The following ANKRD11 variants were observed in gnomAD, a reference collection of about 807,000 sequenced individuals.
The protein encoded by ANKRD11 is ankyrin repeat domain 11, also known as ankyrin repeat domain-containing protein 11.
A neutral mutation model predicts 195.7 loss-of-function variants in ANKRD11; 17 were observed. The observed-to-expected ratio is 0.09, with a 90% CI of 0.06 to 0.13. The LOEUF (loss-of-function observed/expected upper bound fraction) is 0.13. ANKRD11 is among the 10% of genes least tolerant of loss of function. The pLI is 1.00. For missense variants in ANKRD11, 3,735 were observed against 3,566.1 expected, an observed-to-expected ratio of 1.05 and a Z score of -1.21; for synonymous variants, 1,953 against 1,528.1, an observed-to-expected ratio of 1.28 and a Z score of -6.49.
chr16:89,359,751 C>T (rs1381094911), intron 2 of ANKRD11, among the ~76,000 whole-genome samples: 1 of 152,146 alleles, frequency 6.6e-6, no homozygotes, highest in East Asian at 1.9e-4. Context: ...CAACAGCCAG[C>T]AGAAGATGTT....
chr16:89,408,024 C>G (rs1431273362), intron 2 of ANKRD11, among the ~76,000 whole-genome samples: 3 of 152,256 alleles, frequency 2.0e-5, no homozygotes, highest in East Asian at 1.9e-4. Context: ...CCAGCTACAG[C>G]TGCCATGCAG....
In ANKRD11 at chr16:89,347,484, G is replaced by A. The variant is rs142376008; in HGVS notation, c.-59-30406C>T. On this transcript the variant is annotated intron_variant, in intron 2 of 12. Transcript: ENST00000301030. ...AAATTAGCCGGGCGTGGTGGCAGGC[G>A]CCGGTAGTCCCAGCTACTAGGGAGG... 3.1e-3 allele frequency among the ~76,000 whole-genome samples: 475 copies of A among 152,086 alleles called. 21 individuals are homozygous for A. In the East Asian group the frequency reaches 0.047, roughly 15 times the overall value.
Position 89,281,567 on chromosome 16 carries a change from G to A in ANKRD11, c.4975C>T (p.Pro1659Ser), listed in dbSNP as rs376431701. The A allele has an allele frequency of 2.5e-6, 4 of 1,614,082 alleles. No individual in the cohort carries two copies. The highest frequency in any genetic ancestry group is 1.1e-5 in the South Asian group (1 of 91,088). The change falls in exon 9 of 13, where the codon CCT becomes TCT. Residue 1659 changes from proline to serine, a missense_variant. Pro to Ser is a moderately conservative substitution (Grantham distance 74). Coordinates refer to ENST00000301030, the MANE Select transcript of ANKRD11 (RefSeq NM_013275.6). This position sits in a 1 kb window ranked among gnomAD's most constrained non-coding sequence, Gnocchi z 5.5. ...TTATTTTCCGCGGCAGGTGGAATAGGAGTCGACTCTTTGAGCTTTTTGTCT... is the reference window on the plus strand; with the variant it reads ...TTATTTTCCGCGGCAGGTGGAATAGAAGTCGACTCTTTGAGCTTTTTGTCT... ...FKDKKLKESTPIPPAAENKLH... is the reference protein window; with the variant it reads ...FKDKKLKESTSIPPAAENKLH...
At chr16:89,315,242 G>A (rs2036879172) in intron 3 of ANKRD11, among the ~76,000 whole-genome samples, 1 of 152,196 alleles carries the variant, frequency 6.6e-6, no homozygotes, top group Non-Finnish European at 1.5e-5. Context: ...TGTATGCAAA[G>A]TATTCTGCAC....
chr16:89,307,350 A>C (rs1436268718), intron 3 of ANKRD11, among the ~76,000 whole-genome samples: 1 of 152,074 alleles, frequency 6.6e-6, no homozygotes, highest in Non-Finnish European at 1.5e-5. Flanking sequence ...ACGTGCATCC[A>C]CCCAACCTGC....
chr16:89,288,814 A>G lies in ANKRD11; in HGVS notation c.602-144T>C, dbSNP rs76417280. On this transcript the variant is annotated intron_variant, in intron 6 of 12. Coordinates refer to ENST00000301030, the MANE Select transcript of ANKRD11 (RefSeq NM_013275.6). ...TGTAGTGAGGGCTGCAGTTTAGGGA[A>G]GCAGGTGCTGGCCCAGAGAACCCCT... 9.9e-4 allele frequency: 1,136 copies of G among 1,144,026 alleles called. 7 individuals are homozygous for G. The African/African-American group carries it at 0.016, about 16-fold the overall frequency. The allele number at this position is 1,144,026 out of a possible 1,614,324, so 70.9% of individuals were successfully genotyped here.
chr16:89,321,795 T>C (rs904988790), intron 2 of ANKRD11, among the ~76,000 whole-genome samples: 10 of 152,110 alleles, frequency 6.6e-5, no homozygotes, highest in Admixed American at 4.6e-4. Context: ...GGGTCTGGGT[T>C]TGCACTGCGT....
At position 89,282,153 on chromosome 16, in the gene ANKRD11, C is replaced by G. The variant is rs776618958; in HGVS notation, c.4389G>C (p.Glu1463Asp). The G allele has an allele frequency of 3.7e-6, 6 of 1,613,942 alleles. No individual in the cohort carries two copies. The South Asian group carries it at 6.6e-5, about 18-fold the overall frequency. Residue 1463 changes from glutamate (E) to aspartate (D), a missense_variant, in exon 9 of 13, where the codon GAG (glutamate) becomes GAC (aspartate). Physicochemically the swap from Glu to Asp is conservative, Grantham distance 45. Coordinates refer to ENST00000301030, the MANE Select transcript of ANKRD11 (RefSeq NM_013275.6). ...CGTCTCTCCATTTCTCCCTGTGTTTCTCTCTCTTCTTCTTCTCTTTTAGGA... is the reference window on the plus strand; with the variant it reads ...CGTCTCTCCATTTCTCCCTGTGTTTGTCTCTCTTCTTCTTCTCTTTTAGGA... Reference protein sequence around the residue: ...INILKEKKKREKHREKWRDEK... With the variant: ...INILKEKKKRDKHREKWRDEK...
At chr16:89,393,315 T>C (rs989603129) in intron 2 of ANKRD11, among the ~76,000 whole-genome samples, 1 of 131,030 alleles carries the variant, frequency 7.6e-6, no homozygotes, top group East Asian at 2.1e-4. Flanking sequence ...TTTATTTTTA[T>C]TTTTTTTTTT....
At chr16:89,321,702 GAAAA>G (rs955573329) in intron 2 of ANKRD11, among the ~76,000 whole-genome samples, 2 of 144,832 alleles carry the variant, frequency 1.4e-5, no homozygotes, top group African/African-American at 5.0e-5. Flanking sequence ...AAAACTCACA[GAAAA>G]AAAAAAAGAC....
rs201938879 is a variant in ANKRD11, at chr16:89,282,573, G to C, written c.3969C>G (p.Val1323=). The change falls in exon 9 of 13, where the codon GTC becomes GTG. Residue 1323 remains valine, a synonymous_variant. Transcript: ENST00000301030. ...QEPGLTAFLE[V]SFTEPPGDDK... ...CGTCTCCAGGTGGCTCCGTGAAAGAGACCTCCAGGAAGGCAGTCAGCCCCG... is the reference window on the plus strand; with the variant it reads ...CGTCTCCAGGTGGCTCCGTGAAAGACACCTCCAGGAAGGCAGTCAGCCCCG... 10 of 1,614,100 alleles carry C rather than the reference G, an allele frequency of 6.2e-6. No homozygotes were observed. Among genetic ancestry groups the C allele is most frequent in the Non-Finnish European group, 7.6e-6 (9 of 1,180,016 alleles).
At chr16:89,349,890 A>T (rs1029155764) in intron 2 of ANKRD11, among the ~76,000 whole-genome samples, 3 of 132,664 alleles carry the variant, frequency 2.3e-5, no homozygotes, top group Non-Finnish European at 4.8e-5. Flanking sequence ...ACACACACAC[A>T]CACACACACA....
chr16:89,284,786 C>T lies in ANKRD11; in HGVS notation c.1756G>A (p.Val586Met), dbSNP rs1348447346. 1.9e-6 allele frequency: 3 copies of T among 1,613,698 alleles called. No individual in the cohort carries two copies. Among genetic ancestry groups the T allele is most frequent in the Admixed American group, 1.7e-5 (1 of 60,030 alleles). The change falls in exon 9 of 13, where the codon GTG becomes ATG. Residue 586 changes from valine (V) to methionine (M), a missense_variant. By Grantham distance (21) the Val-to-Met change is conservative (BLOSUM62 1). Transcript: ENST00000301030. Reference protein sequence around the residue: ...ESDYSSEGSSVESLKPVRKRQ... With the variant: ...ESDYSSEGSSMESLKPVRKRQ... ...TTCCTCACTGGCTTCAGCGATTCCA[C>T]ACTGGAGCCCTCAGAGGAGTAGTCA... is the stretch of plus-strand genomic sequence containing the variant.
intron 2 of ANKRD11, among the ~76,000 whole-genome samples, chr16:89,351,547 C>G (rs2039218920): frequency 6.6e-6 from 1 of 152,328 alleles, no homozygotes; most frequent in Admixed American, 6.5e-5. Flanking sequence ...TGGATACAGA[C>G]TCTCGGGCAG....
rs536365196 is a variant in ANKRD11, at chr16:89,475,915, G to A, written c.-145+14330C>T. Among the ~76,000 whole-genome samples the A allele has an allele frequency of 6.2e-4, 95 of 152,132 alleles. 2 individuals carry two copies. The highest frequency in any genetic ancestry group is 3.1e-3 in the South Asian group (15 of 4,818). On this transcript the variant is annotated intron_variant, in intron 1 of 12. Transcript: ENST00000301030. ...AAAAATTTAAAAATTAACCAGGCGT[G>A]GTGGTGGGCACCTGTAGTCCCAGCT... is the stretch of plus-strand genomic sequence containing the variant.
chr16:89,457,254 C>T (rs1354061381), intron 1 of ANKRD11, among the ~76,000 whole-genome samples: 26 of 150,964 alleles, frequency 1.7e-4, no homozygotes, highest in African/African-American at 3.9e-4. Context: ...CCACCGCGCC[C>T]GGCCGAGTCT....
At chr16:89,393,090 G>A (rs1054299983) in intron 2 of ANKRD11, among the ~76,000 whole-genome samples, 3 of 151,918 alleles carry the variant, frequency 2.0e-5, no homozygotes, top group South Asian at 2.1e-4. Flanking sequence ...CAGGAAACAC[G>A]GTCTCCCTCC....
At chr16:89,352,248 A>G (rs190755014) in intron 2 of ANKRD11, among the ~76,000 whole-genome samples, 11 of 152,160 alleles carry the variant, frequency 7.2e-5, no homozygotes, top group Admixed American at 1.3e-4. Flanking sequence ...GCTGGACACG[A>G]GACAAGACTT....
Position 89,490,559 on chromosome 16 carries a change from T to A in ANKRD11, c.-459A>T. On this transcript the variant is annotated 5_prime_UTR_variant, in exon 1 of 13. Coordinates refer to ENST00000301030, the MANE Select transcript of ANKRD11 (RefSeq NM_013275.6). ...CATCGCGCACCGTCTCAGGGCGGCC[T>A]CTGGCTCCAGGACCCAGCGGCGGCT... The A allele has an allele frequency of 2.4e-6, 1 of 420,434 alleles. No homozygotes were observed. The allele number at this position is 420,434 out of a possible 1,614,324, so 26.0% of individuals were successfully genotyped here. A position where few individuals can be genotyped will look rare whatever the true frequency, so the allele number is the denominator to read the frequency against.
Sources: gnomAD v4.1 joint callset for allele counts (sites outside exome capture counted in the v4.1 genomes callset) on GRCh38, gnomAD v4.1.1 for gene constraint, Gnocchi (gnomAD v3.1) non-coding constraint, MANE v1.5 for transcripts, NCBI Gene and HGNC (gene_info 2026-07-23, HGNC 2026-07-21) for gene names.